Variants in CMIP observed in about 807,000 individuals in gnomAD.
The protein encoded by CMIP is C-Maf-inducing protein.
CMIP carries 13 observed loss-of-function variants against 97.3 expected under a neutral mutation model. The observed-to-expected ratio is 0.13, with a 90% CI of 0.09 to 0.21. The LOEUF (loss-of-function observed/expected upper bound fraction) is 0.21. Ranked by LOEUF, CMIP falls within the 10% of genes least tolerant of loss-of-function variation. The pLI, the probability that CMIP is intolerant of heterozygous loss-of-function variation, is 1.00. For synonymous variants in CMIP, 538 were observed against 436.3 expected, an observed-to-expected ratio of 1.23 and a Z score of -2.91; for missense variants, 847 against 1,024.9, an observed-to-expected ratio of 0.83 and a Z score of 2.37.
At chr16:81,473,487 CTT>C (rs35365325) in intron 1 of CMIP, among the ~76,000 whole-genome samples, 7 of 140,246 alleles carry the variant, frequency 5.0e-5, no homozygotes, top group Admixed American at 2.1e-4. Context: ...TAAAATAGGT[CTT>C]TTTTTTTTTT....
At chr16:81,466,880 A>G (rs759247720) in intron 1 of CMIP, among the ~76,000 whole-genome samples, 22 of 152,318 alleles carry the variant, frequency 1.4e-4, no homozygotes, top group Non-Finnish European at 3.1e-4. Flanking sequence ...TAGAAAGCCA[A>G]AGTTCAGTTT....
chr16:81,701,845 A>T (rs754768176), intron 16 of CMIP, 45 bp downstream of exon 16: 1 of 1,608,700 alleles, frequency 6.2e-7, no homozygotes, highest in Non-Finnish European at 8.5e-7. Context: ...CCAGCAGGCC[A>T]GGGGGGGCCA....
At chr16:81,630,244 C>G (rs1481055960) in intron 3 of CMIP, 1 of 152,268 alleles carries the variant, frequency 6.6e-6, no homozygotes, top group Non-Finnish European at 1.5e-5. Context: ...TTCTTCTTCT[C>G]TGATCTACAA....
rs79863989 is a variant in CMIP at position 81,461,688 on chromosome 16, G to A, written c.300+16147G>A. Among the ~76,000 whole-genome samples, 402 of 152,306 alleles carry A rather than the reference G, an allele frequency of 2.6e-3. 4 individuals carry two copies. Among genetic ancestry groups the A allele is most frequent in the African/African-American group, 9.5e-3 (394 of 41,552 alleles). ...GTTCGCTCTTAAGAGATGATTTTGG[G>A]TTAAACAAAGTGTGGTATAGAGGAA... On this transcript the variant is annotated intron_variant, in intron 1 of 20. Transcript: ENST00000537098.
At chr16:81,619,015 C>G (rs2091958610) in intron 2 of CMIP, 1 of 152,294 alleles carries the variant, frequency 6.6e-6, no homozygotes, top group Non-Finnish European at 1.5e-5. Context: ...GCTGTTTCTC[C>G]TCCTTGGCCT....
At chr16:81,475,440 G>A (rs1907845014) in intron 1 of CMIP, among the ~76,000 whole-genome samples, 2 of 151,826 alleles carry the variant, frequency 1.3e-5, no homozygotes, top group African/African-American at 4.8e-5. Flanking sequence ...GCATATTTTT[G>A]TACTTGTACA....
intron 1 of CMIP, among the ~76,000 whole-genome samples, chr16:81,501,416 A>G (rs1263838997): frequency 1.3e-5 from 2 of 152,138 alleles, no homozygotes. Flanking sequence ...TGTGCCACGC[A>G]TTGTATCGGG....
rs143487029 is a variant in CMIP, at chr16:81,491,733, G to A, written c.300+46192G>A. The stretch of plus-strand genomic sequence containing the variant: ...TCTGGATCATTTGGCACCCTTCCCT[G>A]TCTGAACTCGGGAGCTGGATGGATT... On this transcript the variant is annotated intron_variant, in intron 1 of 20. Transcript: ENST00000537098. Among the ~76,000 whole-genome samples the A allele has an allele frequency of 5.9e-3, 905 of 152,274 alleles. 14 individuals are homozygous for A. The highest frequency in any genetic ancestry group is 0.011 in the South Asian group (51 of 4,826).
At chr16:81,577,400 T>C in intron 1 of CMIP, among the ~76,000 whole-genome samples, 2 of 138,980 alleles carry the variant, frequency 1.4e-5, no homozygotes, top group African/African-American at 5.6e-5. Context: ...TCATCCCCAT[T>C]ACCACTACAT....
intron 19 of CMIP, among the ~76,000 whole-genome samples, chr16:81,706,003 C>G (rs1908097413): frequency 6.6e-6 from 1 of 152,212 alleles, no homozygotes; most frequent in Admixed American, 6.5e-5. Context: ...CACTCCAGAC[C>G]TCCTGACTCA....
intron 7 of CMIP, among the ~76,000 whole-genome samples, chr16:81,668,863 C>CACCCACCTCACACTGCCTTCCGT (rs1460087464): frequency 6.6e-6 from 1 of 151,094 alleles, no homozygotes; most frequent in African/African-American, 2.4e-5. Flanking sequence ...CTGCCTTCCA[C>CACCCACCTCACACTGCCTTCCGT]ACCCACCTCA....
chr16:81,654,778 C>G (rs887748262), intron 4 of CMIP, among the ~76,000 whole-genome samples: 47 of 152,318 alleles, frequency 3.1e-4, no homozygotes, highest in Admixed American at 2.4e-3. Flanking sequence ...TGGGCCAGGA[C>G]CCTCGCCCGG....
chr16:81,679,111 T>C (rs1904601329), intron 10 of CMIP, among the ~76,000 whole-genome samples: 1 of 152,214 alleles, frequency 6.6e-6, no homozygotes. Context: ...GTTGGGTGTG[T>C]GGGATCCTTA....
chr16:81,597,599 G>T (rs571942853), intron 1 of CMIP, among the ~76,000 whole-genome samples: 41 of 151,610 alleles, frequency 2.7e-4, no homozygotes, highest in South Asian at 2.5e-3. Context: ...GGAGCGGGGG[G>T]GGGGGAGTCT....
chr16:81,645,690 T>G lies in CMIP; in HGVS notation c.478-6513T>G, dbSNP rs1391928050. The stretch of plus-strand genomic sequence containing the variant: ...GGGAAGCAGGAGGCTCTGCCTGCTG[T>G]CTCTGCTTGCCGCTGGCTGGTGGGG... On this transcript the variant is annotated intron_variant, in intron 3 of 20. Coordinates refer to ENST00000537098, the MANE Select transcript of CMIP (RefSeq NM_198390.3). 3 of 1,424,080 alleles carry G rather than the reference T, an allele frequency of 2.1e-6. No homozygotes were observed. In the African/African-American group the frequency reaches 4.2e-5, roughly 20 times the overall value. 88.2% of individuals were successfully genotyped at this position (1,424,080 alleles called of 1,614,324 possible).
At chr16:81,640,874 C>A (rs2092298418) in intron 3 of CMIP, among the ~76,000 whole-genome samples, 1 of 151,910 alleles carries the variant, frequency 6.6e-6, no homozygotes, top group Non-Finnish European at 1.5e-5. Flanking sequence ...CTGCGAAGAC[C>A]CCATTTCCAA....
At chr16:81,521,537 G>T (rs1195621649) in intron 1 of CMIP, among the ~76,000 whole-genome samples, 1 of 152,156 alleles carries the variant, frequency 6.6e-6, no homozygotes, top group Non-Finnish European at 1.5e-5. Flanking sequence ...AGAGGAGGGG[G>T]CTGAGTGTCT....
chr16:81,588,079 G>C (rs1231991755), intron 1 of CMIP, among the ~76,000 whole-genome samples: 2 of 152,164 alleles, frequency 1.3e-5, no homozygotes, highest in African/African-American at 4.8e-5. Context: ...CTGCCTCCAA[G>C]AGGACCGAGG....
chr16:81,575,519 C>T (rs1401220728), intron 1 of CMIP, among the ~76,000 whole-genome samples: 1 of 152,176 alleles, frequency 6.6e-6, no homozygotes, highest in Non-Finnish European at 1.5e-5. Flanking sequence ...AAGGGAGGTC[C>T]CATACAGAGG....
Sources: gnomAD v4.1 joint callset for allele counts (sites outside exome capture counted in the v4.1 genomes callset) on GRCh38, gnomAD v4.1.1 for gene constraint, MANE v1.5 for transcripts, NCBI Gene and HGNC (gene_info 2026-07-23, HGNC 2026-07-21) for gene names.